SPOCK3: variants seen among roughly 807,000 people sequenced by gnomAD.
SPOCK3 encodes the protein SPARC (osteonectin), cwcv and kazal like domains proteoglycan 3, also known as testican-3.
SPOCK3 carries 30 observed loss-of-function variants against 56.6 expected under a neutral mutation model. The ratio of observed to expected loss-of-function variants is 0.53; its 90% CI spans 0.40 to 0.72. SPOCK3 has a LOEUF of 0.72. Ranked by LOEUF, SPOCK3 falls within the 30% of genes least tolerant of loss-of-function variation. The pLI, the probability that SPOCK3 is intolerant of heterozygous loss-of-function variation, is 0.00. For missense variants in SPOCK3, 527 were observed against 530.0 expected (o/e 0.99, Z 0.06); for synonymous variants, 196 against 183.3 (o/e 1.07, Z -0.56).
chr4:166,905,362 T>A (rs925766619), intron 5 of SPOCK3, among the ~76,000 whole-genome samples: 6 of 151,974 alleles, frequency 3.9e-5, no homozygotes, highest in African/African-American at 1.4e-4. Flanking sequence ...CTCTAAGATA[T>A]AAAAGTTAAC....
chr4:166,879,721 T>C (rs952033652), intron 6 of SPOCK3, among the ~76,000 whole-genome samples: 1 of 152,158 alleles, frequency 6.6e-6, no homozygotes, highest in African/African-American at 2.4e-5. Context: ...GAAACATTTA[T>C]TGAATACTGA....
chr4:167,131,055 T>C lies in SPOCK3; in HGVS notation c.190-68518A>G, dbSNP rs541337238. On this transcript the variant is annotated intron_variant, in intron 2 of 10. Coordinates refer to ENST00000357545, the MANE Select transcript of SPOCK3 (RefSeq NM_001040159.2). ...ATAGACCTGATATTCTAAATGTATA[T>C]TAGTTGAATAAATCTAAGGTTCAAG... Among the ~76,000 whole-genome samples, 4 of 152,116 alleles carry C rather than the reference T, an allele frequency of 2.6e-5. No homozygotes were observed. In the South Asian group the frequency reaches 8.3e-4, roughly 32 times the overall value.
At chr4:166,904,210 T>C (rs1015526122) in intron 5 of SPOCK3, among the ~76,000 whole-genome samples, 3 of 152,098 alleles carry the variant, frequency 2.0e-5, no homozygotes, top group South Asian at 2.1e-4. Context: ...TTCAAATTCT[T>C]ATGTTTAAAA....
chr4:166,889,053 T>C (rs1734489710), intron 6 of SPOCK3, 77 bp downstream of exon 6: 1 of 863,264 alleles, frequency 1.2e-6, no homozygotes, highest in Non-Finnish European at 1.9e-6. Context: ...ATTGTGTATT[T>C]AATGACAACA....
At chr4:166,994,008 G>C (rs184708929) in intron 4 of SPOCK3, among the ~76,000 whole-genome samples, 111 of 152,224 alleles carry the variant, frequency 7.3e-4, no homozygotes, top group African/African-American at 2.5e-3. Flanking sequence ...TGGAGAAATG[G>C]AGATGGAGCC....
intron 3 of SPOCK3, among the ~76,000 whole-genome samples, chr4:167,026,752 C>T (rs1041681112): frequency 6.6e-6 from 1 of 150,904 alleles, no homozygotes; most frequent in East Asian, 1.9e-4. Context: ...ATAATTCATC[C>T]TGTATGTTAA....
intron 2 of SPOCK3, among the ~76,000 whole-genome samples, chr4:167,163,539 T>A (rs1329016658): frequency 6.6e-6 from 1 of 152,018 alleles, no homozygotes; most frequent in Non-Finnish European, 1.5e-5. Flanking sequence ...CATCTAACTA[T>A]GTTTTTGTAG....
At chr4:166,952,720 T>C (rs1052253164) in intron 4 of SPOCK3, among the ~76,000 whole-genome samples, 55 of 152,170 alleles carry the variant, frequency 3.6e-4, no homozygotes, top group Non-Finnish European at 8.8e-5. Flanking sequence ...AGCATGGTAC[T>C]GGTACCAAAA....
chr4:166,927,588 C>T (rs1272629828), intron 4 of SPOCK3, among the ~76,000 whole-genome samples: 3 of 152,128 alleles, frequency 2.0e-5, no homozygotes, highest in Admixed American at 6.6e-5. Context: ...CAAAACGTAT[C>T]ACAGACCTAA....
At chr4:166,922,219 G>T (rs555999440) in intron 4 of SPOCK3, among the ~76,000 whole-genome samples, 14 of 152,096 alleles carry the variant, frequency 9.2e-5, no homozygotes, top group Admixed American at 9.2e-4. Flanking sequence ...ATTGGGGACC[G>T]CTGCCCTACA....
chr4:167,046,720 G>A (rs973153513), intron 3 of SPOCK3, among the ~76,000 whole-genome samples: 4 of 151,886 alleles, frequency 2.6e-5, no homozygotes, highest in African/African-American at 7.3e-5. Flanking sequence ...CTCCCAAAGT[G>A]CTAGGATTAC....
At chr4:166,780,344 A>C (rs888833659) in intron 7 of SPOCK3, among the ~76,000 whole-genome samples, 2 of 152,148 alleles carry the variant, frequency 1.3e-5, no homozygotes, top group Non-Finnish European at 2.9e-5. Context: ...AAACTCTGGA[A>C]ACCATAAAAA....
intron 4 of SPOCK3, among the ~76,000 whole-genome samples, chr4:166,957,524 ACTC>A (rs1265516788): frequency 4.0e-5 from 6 of 151,766 alleles, no homozygotes; most frequent in Non-Finnish European, 5.9e-5. Flanking sequence ...CTCAAGCAAA[ACTC>A]CTGGAGCCAT....
rs528180960 is a variant in SPOCK3, at chr4:167,225,957, G to T, written c.189+8028C>A. Among the ~76,000 whole-genome samples the T allele has an allele frequency of 9.9e-5, 15 of 152,240 alleles. No individual in the cohort carries two copies. In the South Asian group the frequency reaches 3.1e-3, roughly 32 times the overall value. On this transcript the variant is annotated intron_variant, in intron 2 of 10. Transcript: ENST00000357545. ...ACTTCTAGTATTATTTCAGCAAAAT[G>T]TTGTTAGTGGTACTTTCCTTTTTCT...
At chr4:167,062,375 C>A in intron 3 of SPOCK3, 117 bp downstream of exon 3, 2 of 649,330 alleles carry the variant, frequency 3.1e-6, no homozygotes, top group Admixed American at 3.1e-5. Flanking sequence ...TTTTTCCATT[C>A]ATGTAAGCTC....
chr4:166,826,193 G>T (rs558878253), intron 6 of SPOCK3, among the ~76,000 whole-genome samples: 3 of 152,178 alleles, frequency 2.0e-5, no homozygotes, highest in African/African-American at 7.2e-5. Flanking sequence ...TGCAAAAAAA[G>T]ATATATTTTT....
At chr4:167,097,422 G>GA (rs1438264384) in intron 2 of SPOCK3, among the ~76,000 whole-genome samples, 1 of 151,106 alleles carries the variant, frequency 6.6e-6, no homozygotes, top group Admixed American at 6.6e-5. Flanking sequence ...CTGCTCCTCA[G>GA]AAAAAAATCT....
intron 2 of SPOCK3, among the ~76,000 whole-genome samples, chr4:167,203,569 A>C (rs1041760282): frequency 6.6e-6 from 1 of 151,256 alleles, no homozygotes; most frequent in African/African-American, 2.4e-5. Flanking sequence ...AAAAAAAAAA[A>C]GACAGAAAAG....
intron 2 of SPOCK3, among the ~76,000 whole-genome samples, chr4:167,094,662 G>C (rs1758995131): frequency 6.6e-6 from 1 of 152,082 alleles, no homozygotes. Context: ...GAACGCGAGA[G>C]TTAGTATTAT....
Sources: gnomAD v4.1 joint callset for allele counts (sites outside exome capture counted in the v4.1 genomes callset) on GRCh38, gnomAD v4.1.1 for gene constraint, MANE v1.5 for transcripts, NCBI Gene and HGNC (gene_info 2026-07-23, HGNC 2026-07-21) for gene names.